PCDHGB6: variants seen among roughly 807,000 people sequenced by gnomAD.
PCDHGB6 encodes protocadherin gamma subfamily B, 6.
PCDHGB6 carries 51 observed loss-of-function variants against 59.1 expected under a neutral mutation model. That is an observed-to-expected ratio of 0.86 (90% confidence interval 0.69 to 1.09). The LOEUF (loss-of-function observed/expected upper bound fraction) is 1.09. PCDHGB6 is among the 50% of genes least tolerant of loss of function. PCDHGB6 has a pLI of 0.00. For synonymous variants in PCDHGB6, 466 were observed against 495.1 expected, an observed-to-expected ratio of 0.94 and a Z score of 0.78; for missense variants, 1,148 against 1,205.1, an observed-to-expected ratio of 0.95 and a Z score of 0.70.
Position 141,489,552 on chromosome 5 carries a change from G to T in PCDHGB6, c.2419-5255G>T, listed in dbSNP as rs2099688780. ...GTGGAGCCAGCACCAGCTGCCTGCTGCCAGTGCAGGTGGTGACTGAACACC... is the reference window on the plus strand; with the variant it reads ...GTGGAGCCAGCACCAGCTGCCTGCTTCCAGTGCAGGTGGTGACTGAACACC... On this transcript the variant is annotated intron_variant, in intron 1 of 3. Coordinates refer to ENST00000520790, the MANE Select transcript of PCDHGB6 (RefSeq NM_018926.3). The surrounding 1 kb of genome is among the most constrained non-coding windows in gnomAD (Gnocchi z 4.5). The T allele has an allele frequency of 6.2e-7, 1 of 1,613,988 alleles. No homozygotes were observed. The highest frequency in any genetic ancestry group is 1.7e-5 in the Admixed American group (1 of 60,000).
chr5:141,431,237 C>A lies in PCDHGB6; in HGVS notation c.2418+20617C>A. 1 of 1,614,170 alleles carries A rather than the reference C, an allele frequency of 6.2e-7. No homozygotes were observed. Among genetic ancestry groups the A allele is most frequent in the Non-Finnish European group, 8.5e-7 (1 of 1,180,044 alleles). The stretch of plus-strand genomic sequence containing the variant: ...GTTCCCTCTACCCCACGCCTGGGAT[C>A]CGGATATCGGGAAGAACTCTCTGCA... On this transcript the variant is annotated intron_variant, in intron 1 of 3. Transcript: ENST00000520790. The surrounding 1 kb of genome is among the most constrained non-coding windows in gnomAD (Gnocchi z 4.8).
rs143530538 is a variant in PCDHGB6 at position 141,490,323 on chromosome 5, G to A, written c.2419-4484G>A. 18 of 1,614,102 alleles carry A rather than the reference G, an allele frequency of 1.1e-5. No individual in the cohort carries two copies. Among genetic ancestry groups the A allele is most frequent in the Non-Finnish European group, 1.4e-5 (17 of 1,180,056 alleles). ...CCTCTTTGGCCAACCCTGTCCTAGA[G>A]AGCACACCAGTGGGCACAGTAGTGG... On this transcript the variant is annotated intron_variant, in intron 1 of 3. Transcript: ENST00000520790. This position sits in a 1 kb window ranked among gnomAD's most constrained non-coding sequence, Gnocchi z 5.4.
chr5:141,413,806 A>C, intron 1 of PCDHGB6: 1 of 1,613,168 alleles, frequency 6.2e-7, no homozygotes. Flanking sequence ...GGAAGAGGCC[A>C]TTCACCACCT....
At chr5:141,414,678 G>A (rs1276367800) in intron 1 of PCDHGB6, 14 of 1,613,856 alleles carry the variant, frequency 8.7e-6, no homozygotes, top group African/African-American at 1.3e-5. Context: ...ACACCATCCA[G>A]GGGGTACCTC....
intron 1 of PCDHGB6, among the ~76,000 whole-genome samples, chr5:141,451,727 C>A (rs2098722766): frequency 6.6e-6 from 1 of 152,014 alleles, no homozygotes; most frequent in Admixed American, 6.6e-5. Flanking sequence ...ACTAAAAATA[C>A]AAAAATTAGC....
intron 1 of PCDHGB6, among the ~76,000 whole-genome samples, chr5:141,464,625 T>C (rs1477206347): frequency 6.6e-6 from 1 of 152,190 alleles, no homozygotes; most frequent in East Asian, 1.9e-4. Context: ...TGTCAAGCTT[T>C]TTAATTGTTG....
chr5:141,427,370 G>A (rs915167509), intron 1 of PCDHGB6: 17 of 457,836 alleles, frequency 3.7e-5, no homozygotes, highest in African/African-American at 2.4e-4. Flanking sequence ...AACCCTGGAC[G>A]GTGATCACTC....
intron 1 of PCDHGB6, among the ~76,000 whole-genome samples, chr5:141,461,768 C>T (rs532591390): frequency 1.3e-5 from 2 of 152,016 alleles, no homozygotes; most frequent in African/African-American, 4.8e-5. Context: ...ATTCTCCTGC[C>T]TCAGCCTCCC....
At chr5:141,423,227 A>C (rs1305722929) in intron 1 of PCDHGB6, 5 of 1,613,634 alleles carry the variant, frequency 3.1e-6, no homozygotes, top group Non-Finnish European at 2.5e-6. Context: ...GCTGTGGCCG[A>C]CAGCATCCCC....
Position 141,485,870 on chromosome 5 carries a change from C to T in PCDHGB6, c.2419-8937C>T. The stretch of plus-strand genomic sequence containing the variant: ...CACCGCAGAGCTCCGGGTATCCGTG[C>T]TGGACGTAAACGACAACGCCCCAGC... On this transcript the variant is annotated intron_variant, in intron 1 of 3. Coordinates refer to ENST00000520790, the MANE Select transcript of PCDHGB6 (RefSeq NM_018926.3). This position sits in a 1 kb window ranked among gnomAD's most constrained non-coding sequence, Gnocchi z 5.7. 6.2e-7 allele frequency: 1 copy of T among 1,614,174 alleles called. No homozygotes were observed. The highest frequency in any genetic ancestry group is 8.5e-7 in the Non-Finnish European group (1 of 1,180,032).
At position 141,486,931 on chromosome 5, in the gene PCDHGB6, T is replaced by C. The variant is rs201042803; in HGVS notation, c.2419-7876T>C. 2 of 1,614,258 alleles carry C rather than the reference T, an allele frequency of 1.2e-6. No homozygotes were observed. Among genetic ancestry groups the C allele is most frequent in the East Asian group, 2.2e-5 (1 of 44,876 alleles). ...AAGCACTGCCTCCATCAGTTGGTGC[T>C]GGCCACCTAATCACAAAGGTGACTG... On this transcript the variant is annotated intron_variant, in intron 1 of 3. Coordinates refer to ENST00000520790, the MANE Select transcript of PCDHGB6 (RefSeq NM_018926.3). This position sits in a 1 kb window ranked among gnomAD's most constrained non-coding sequence, Gnocchi z 5.0.
At chr5:141,439,215 G>A (rs1319217047) in intron 1 of PCDHGB6, among the ~76,000 whole-genome samples, 2 of 151,488 alleles carry the variant, frequency 1.3e-5, no homozygotes, top group African/African-American at 4.9e-5. Flanking sequence ...ATCCATATGT[G>A]AAAATTCTTA....
chr5:141,484,941 C>T (rs2099604065), intron 1 of PCDHGB6: 2 of 543,888 alleles, frequency 3.7e-6, no homozygotes, highest in East Asian at 6.3e-5. Context: ...ACGTTCTCTG[C>T]TCAGCCTATT....
At position 141,485,009 on chromosome 5, in the gene PCDHGB6, C is replaced by T. The variant is rs531346426; in HGVS notation, c.2419-9798C>T. The T allele has an allele frequency of 6.4e-5, 40 of 628,334 alleles. No homozygotes were observed. Among genetic ancestry groups the T allele is most frequent in the Admixed American group, 5.3e-4 (18 of 33,986 alleles). The allele number at this position is 628,334 out of a possible 1,614,324, so 38.9% of individuals were successfully genotyped here. On this transcript the variant is annotated intron_variant, in intron 1 of 3. Transcript: ENST00000520790. The surrounding 1 kb of genome is among the most constrained non-coding windows in gnomAD (Gnocchi z 5.7). Reference sequence around the variant, plus strand: ...GGTGGTGAAAGGCAGACAAATCTACCCCGCCACCAGCAAAAACGGCGCGTA... The same window carrying T: ...GGTGGTGAAAGGCAGACAAATCTACTCCGCCACCAGCAAAAACGGCGCGTA...
intron 1 of PCDHGB6, chr5:141,414,815 G>T (rs1437985019): frequency 2.2e-5 from 35 of 1,614,236 alleles, no homozygotes; most frequent in Non-Finnish European, 2.9e-5. Flanking sequence ...CCTCCACTCA[G>T]CAGCAACGTG....
At chr5:141,421,363 G>T (rs749916401) in intron 1 of PCDHGB6, 2 of 1,613,898 alleles carry the variant, frequency 1.2e-6, no homozygotes, top group South Asian at 2.2e-5. Flanking sequence ...GGGCTCCTTC[G>T]TGGGCAATAT....
chr5:141,494,782 C>T, intron 1 of PCDHGB6, 25 bp from the exon 2 acceptor site: 1 of 1,614,110 alleles, frequency 6.2e-7, no homozygotes. Context: ...GGTACTCAGC[C>T]CCTTTCCCTC....
rs1331121466 is a variant in PCDHGB6, at chr5:141,408,979, C to A, written c.777C>A (p.Ser259=). 6.2e-7 allele frequency: 1 copy of A among 1,613,862 alleles called. No homozygotes were observed. Among genetic ancestry groups the A allele is most frequent in the East Asian group, 2.2e-5 (1 of 44,880 alleles). The change falls in exon 1 of 4, where the codon TCC becomes TCA. Residue 259 remains serine, a synonymous_variant. Transcript: ENST00000520790. The stretch of plus-strand genomic sequence containing the variant: ...TTAGTGAAAATCTGCCCCCTGGGTC[C>A]CCTGTGTTGCAAGTGACAGCCACTG... The part of the protein sequence containing the change: ...ISLSENLPPG[S]PVLQVTATDQ...
chr5:141,415,848 A>C (rs1222834072), intron 1 of PCDHGB6: 1 of 1,241,178 alleles, frequency 8.1e-7, no homozygotes, highest in Non-Finnish European at 1.0e-6. Context: ...GCTTTGCAGA[A>C]CCTTGTAGTT....
Sources: gnomAD v4.1 joint callset for allele counts (sites outside exome capture counted in the v4.1 genomes callset) on GRCh38, gnomAD v4.1.1 for gene constraint, Gnocchi (gnomAD v3.1) non-coding constraint, MANE v1.5 for transcripts, NCBI Gene and HGNC (gene_info 2026-07-23, HGNC 2026-07-21) for gene names.